Variants in GTF2B observed in about 807,000 individuals in gnomAD.
GTF2B encodes general transcription factor IIB, also known as transcription initiation factor IIB.
A neutral mutation model predicts 34.6 loss-of-function variants in GTF2B; 20 were observed. The observed-to-expected ratio is 0.58, with a 90% CI of 0.41 to 0.84. The LOEUF (loss-of-function observed/expected upper bound fraction) is 0.84. Among genes scored for constraint, GTF2B ranks in the 40% least tolerant of loss-of-function variants. The probability of loss-of-function intolerance (pLI) is 0.00; values close to 1 mark genes in which losing one functional copy is unlikely to be tolerated. For synonymous variants in GTF2B, 142 were observed against 132.4 expected, an observed-to-expected ratio of 1.07 and a Z score of -0.50; for missense variants, 237 against 393.3, an observed-to-expected ratio of 0.60 and a Z score of 3.36.
At chr1:88,873,608 C>G (rs2100973260) in intron 2 of GTF2B, among the ~76,000 whole-genome samples, 1 of 152,282 alleles carries the variant, frequency 6.6e-6, no homozygotes, top group Non-Finnish European at 1.5e-5. Context: ...ACAGTCCATA[C>G]TTAACAGTCC....
At chr1:88,856,277 A>AAC (rs1557652072) in intron 6 of GTF2B, among the ~76,000 whole-genome samples, 23 of 126,860 alleles carry the variant, frequency 1.8e-4, no homozygotes, top group African/African-American at 6.2e-4. Flanking sequence ...AAAAACAAAA[A>AAC]AAAAAAAAAA....
At chr1:88,856,590 G>GA (rs535781086) in intron 6 of GTF2B, among the ~76,000 whole-genome samples, 105 of 152,122 alleles carry the variant, frequency 6.9e-4, no homozygotes, top group Non-Finnish European at 1.3e-3. Flanking sequence ...GTTTGGAAAG[G>GA]AAAAGAGTAT....
At chr1:88,883,315 CACA>C (rs1673988617) in intron 2 of GTF2B, among the ~76,000 whole-genome samples, 2 of 152,196 alleles carry the variant, frequency 1.3e-5, no homozygotes, top group African/African-American at 4.8e-5. Flanking sequence ...TCAGAAAAAT[CACA>C]ACAAAACTTT....
chr1:88,859,971 T>C lies in GTF2B; in HGVS notation c.446A>G (p.Lys149Arg), dbSNP rs1262197752. 6.2e-7 allele frequency: 1 copy of C among 1,613,656 alleles called. No individual in the cohort carries two copies. The highest frequency in any genetic ancestry group is 1.7e-5 in the Admixed American group (1 of 60,018). ...NNLFKQVYEQ[K>R]SLKGRANDAI... ...ATCATTAGCTCTTCCCTTCAGGCTC[T>C]TCTGTTCATATACTTGCTTGAATAA... Residue 149 changes from lysine to arginine, a missense_variant, in exon 5 of 7, where the codon AAG becomes AGG. Coordinates refer to ENST00000370500, the MANE Select transcript of GTF2B (RefSeq NM_001514.6).
rs554374162 is a variant in GTF2B, at chr1:88,866,519, C to T, written c.125-2405G>A. On this transcript the variant is annotated intron_variant, in intron 2 of 6. Coordinates refer to ENST00000370500, the MANE Select transcript of GTF2B (RefSeq NM_001514.6). The stretch of plus-strand genomic sequence containing the variant: ...TGCCTCTGGGGCTCAAGCAATACTT[C>T]CACCTTAGCCTCCTGAGCAGCTACA... Among the ~76,000 whole-genome samples the T allele has an allele frequency of 4.0e-3, 607 of 152,240 alleles. 1 individual carries two copies. The highest frequency in any genetic ancestry group is 7.9e-3 in the Admixed American group (120 of 15,286).
chr1:88,885,592 A>G (rs1674048510), intron 2 of GTF2B, among the ~76,000 whole-genome samples: 1 of 151,864 alleles, frequency 6.6e-6, no homozygotes, highest in Non-Finnish European at 1.5e-5. Context: ...TACTAAAAAA[A>G]ATACAAAATT....
chr1:88,888,975 T>G (rs1016650380), intron 1 of GTF2B, among the ~76,000 whole-genome samples: 35 of 152,236 alleles, frequency 2.3e-4, no homozygotes, highest in African/African-American at 7.5e-4. Context: ...GCTATATGTA[T>G]GTGCTCACTT....
In GTF2B at chr1:88,860,123, G is replaced by A. The variant is rs377093479; in HGVS notation, c.405+17C>T. 145 of 1,613,532 alleles carry A rather than the reference G, an allele frequency of 9.0e-5. No homozygotes were observed. The highest frequency in any genetic ancestry group is 1.3e-4 in the Admixed American group (8 of 59,954). ...GTCAATGCCAGAATGGCTTAAAGGA[G>A]GTAGACAAGAACTTACAACTATATT... On this transcript the variant is annotated intron_variant, in intron 4 of 6. Coordinates refer to ENST00000370500, the MANE Select transcript of GTF2B (RefSeq NM_001514.6).
intron 2 of GTF2B, among the ~76,000 whole-genome samples, chr1:88,871,468 T>C (rs184161492): frequency 5.3e-5 from 8 of 152,214 alleles, no homozygotes; most frequent in African/African-American, 1.9e-4. Context: ...GGAAGGGAAA[T>C]GTGGGAAGTT....
At chr1:88,859,223 G>A (rs1673384032) in intron 5 of GTF2B, among the ~76,000 whole-genome samples, 2 of 152,078 alleles carry the variant, frequency 1.3e-5, no homozygotes, top group Admixed American at 6.6e-5. Flanking sequence ...TGCTAGAAAT[G>A]GAAACTGTTT....
intron 2 of GTF2B, among the ~76,000 whole-genome samples, chr1:88,881,833 C>A (rs1224278455): frequency 2.6e-5 from 4 of 152,064 alleles, no homozygotes; most frequent in Non-Finnish European, 5.9e-5. Context: ...ACAAAATTAA[C>A]TTCCTTTGGT....
intron 2 of GTF2B, among the ~76,000 whole-genome samples, chr1:88,875,613 T>C (rs1035097726): frequency 6.6e-6 from 1 of 152,214 alleles, no homozygotes; most frequent in African/African-American, 2.4e-5. Context: ...CTTGGAATCA[T>C]TTTCTCTCCA....
intron 2 of GTF2B, among the ~76,000 whole-genome samples, chr1:88,877,282 T>G (rs17130645): frequency 0.019 from 2,843 of 152,328 alleles, 83 homozygotes; most frequent in African/African-American, 0.065. Flanking sequence ...CCTAAGCTAT[T>G]TTCCAGTATT....
At chr1:88,889,647 C>G (rs893463682) in intron 1 of GTF2B, among the ~76,000 whole-genome samples, 1 of 152,220 alleles carries the variant, frequency 6.6e-6, no homozygotes, top group Admixed American at 6.5e-5. Flanking sequence ...CATTTGTACT[C>G]CTCTGTGAGG....
intron 6 of GTF2B, 31 bp downstream of exon 6, chr1:88,857,175 T>A: frequency 6.4e-7 from 1 of 1,569,352 alleles, no homozygotes; most frequent in Non-Finnish European, 8.6e-7. Context: ...AATTTCAGTT[T>A]ACTGCCACAC....
In GTF2B at chr1:88,865,532, A is replaced by G. The variant is rs1226393770; in HGVS notation, c.125-1418T>C. ...AGGTCAGGAGTTTGAGACCAGCCTGACCAAGATGGAGAAACCCCGTCTCTA... is the reference window on the plus strand; with the variant it reads ...AGGTCAGGAGTTTGAGACCAGCCTGGCCAAGATGGAGAAACCCCGTCTCTA... On this transcript the variant is annotated intron_variant, in intron 2 of 6. Coordinates refer to ENST00000370500, the MANE Select transcript of GTF2B (RefSeq NM_001514.6). Among the ~76,000 whole-genome samples, 4 of 151,958 alleles carry G rather than the reference A, an allele frequency of 2.6e-5. No homozygotes were observed. In the South Asian group the frequency reaches 6.2e-4, roughly 24 times the overall value.
chr1:88,861,670 A>C (rs1673444283), intron 3 of GTF2B, among the ~76,000 whole-genome samples: 1 of 152,112 alleles, frequency 6.6e-6, no homozygotes, highest in Non-Finnish European at 1.5e-5. Flanking sequence ...GTCTCAAACA[A>C]AACAAAACAA....
intron 2 of GTF2B, among the ~76,000 whole-genome samples, chr1:88,874,693 T>C (rs578083708): frequency 3.3e-5 from 5 of 152,050 alleles, no homozygotes; most frequent in African/African-American, 1.2e-4. Context: ...AGAATTTCAA[T>C]TCTTTCTGCT....
At chr1:88,889,492 C>A (rs1388460644) in intron 1 of GTF2B, among the ~76,000 whole-genome samples, 1 of 152,220 alleles carries the variant, frequency 6.6e-6, no homozygotes, top group African/African-American at 2.4e-5. Context: ...GACTGTATTA[C>A]TTGTGTTATA....
Sources: gnomAD v4.1 joint callset for allele counts (sites outside exome capture counted in the v4.1 genomes callset) on GRCh38, gnomAD v4.1.1 for gene constraint, MANE v1.5 for transcripts, NCBI Gene and HGNC (gene_info 2026-07-23, HGNC 2026-07-21) for gene names.